ATR: variants seen among roughly 807,000 people sequenced by gnomAD.
ATR encodes the protein ATR checkpoint kinase.
In ATR, 142 loss-of-function variants were observed where a neutral mutation model predicts 305.3. The observed-to-expected ratio is 0.47, with a 90% CI of 0.41 to 0.53. The LOEUF (loss-of-function observed/expected upper bound fraction) is 0.53. ATR is among the 20% of genes least tolerant of loss of function. ATR has a pLI of 0.00. For synonymous variants in ATR, 1,050 were observed against 1,068.1 expected (o/e 0.98, Z 0.33); for missense variants, 2,135 against 3,133.1 (o/e 0.68, Z 7.60).
chr3:142,481,322 G>C (rs1021700968), intron 36 of ATR, among the ~76,000 whole-genome samples: 2 of 152,164 alleles, frequency 1.3e-5, no homozygotes, highest in African/African-American at 4.8e-5. Flanking sequence ...TATGGTTTTT[G>C]TCCTTCATTC....
chr3:142,461,901 G>A, intron 42 of ATR, 39 bp downstream of exon 42: 2 of 1,586,266 alleles, frequency 1.3e-6, no homozygotes, highest in East Asian at 2.2e-5. Context: ...ATATAACTTA[G>A]TACCCACACT....
Position 142,496,534 on chromosome 3 carries a change from C to A in ATR, c.5739-14G>T, listed in dbSNP as rs587783335. On this transcript the variant is annotated splice_polypyrimidine_tract_variant and intron_variant, in intron 33 of 46. Transcript: ENST00000350721. ...TTGTAATCTGGTCTAAAGGAAGTAACAACACATTGGTGAGAGAGACCATTG... is the reference window on the plus strand; with the variant it reads ...TTGTAATCTGGTCTAAAGGAAGTAAAAACACATTGGTGAGAGAGACCATTG... 1 of 1,547,780 alleles carries A rather than the reference C, an allele frequency of 6.5e-7. No homozygotes were observed. The highest frequency in any genetic ancestry group is 8.8e-7 in the Non-Finnish European group (1 of 1,130,890).
At chr3:142,506,272 T>C (rs1239550798) in intron 28 of ATR, among the ~76,000 whole-genome samples, 1 of 152,186 alleles carries the variant, frequency 6.6e-6, no homozygotes, top group Non-Finnish European at 1.5e-5. Context: ...ATATGCTCCA[T>C]ATACTCTGGT....
rs980781050 is a variant in ATR, at chr3:142,449,244, A to C, written c.*185T>G. 2 of 592,248 alleles carry C rather than the reference A, an allele frequency of 3.4e-6. No homozygotes were observed. Among genetic ancestry groups the C allele is most frequent in the African/African-American group, 3.7e-5 (2 of 53,908 alleles). The allele number at this position is 592,248 out of a possible 1,614,324, so 36.7% of individuals were successfully genotyped here. On this transcript the variant is annotated 3_prime_UTR_variant, in exon 47 of 47. Transcript: ENST00000350721. Reference sequence around the variant, plus strand: ...ATTATAATGCACAGTATGTATTAAGAAAGCAGTTTATTTCTTAATAACTGA... The same window carrying C: ...ATTATAATGCACAGTATGTATTAAGCAAGCAGTTTATTTCTTAATAACTGA...
At chr3:142,557,581 A>G (rs1033402249) in intron 8 of ATR, among the ~76,000 whole-genome samples, 3 of 152,220 alleles carry the variant, frequency 2.0e-5, no homozygotes, top group Non-Finnish European at 4.4e-5. Flanking sequence ...AGAACAATCA[A>G]CACCAAATTC....
chr3:142,498,911 C>G, intron 31 of ATR, 137 bp from the exon 32 acceptor site: 1 of 835,362 alleles, frequency 1.2e-6, no homozygotes, highest in Non-Finnish European at 1.9e-6. Context: ...GACAGAGTCT[C>G]ACTCTGTGGT....
At chr3:142,561,690 TA>T (rs902268171) in intron 4 of ATR, among the ~76,000 whole-genome samples, 2 of 152,162 alleles carry the variant, frequency 1.3e-5, no homozygotes, top group African/African-American at 4.8e-5. Context: ...AATTCCCTTA[TA>T]AAAAATTCTG....
At chr3:142,560,553 T>G in intron 5 of ATR, 99 bp from the exon 6 acceptor site, 1 of 1,225,884 alleles carries the variant, frequency 8.2e-7, no homozygotes, top group Non-Finnish European at 1.1e-6. Context: ...TAATATCAAC[T>G]ATTCAAAAAA....
At chr3:142,455,616 C>T (rs1275555526) in intron 45 of ATR, among the ~76,000 whole-genome samples, 3 of 152,042 alleles carry the variant, frequency 2.0e-5, no homozygotes, top group African/African-American at 7.2e-5. Context: ...AACAAAAAAG[C>T]CAAGATAATT....
intron 39 of ATR, among the ~76,000 whole-genome samples, chr3:142,467,645 T>C (rs888233011): frequency 5.9e-5 from 9 of 152,164 alleles, no homozygotes; most frequent in Non-Finnish European, 1.0e-4. Context: ...TTATTTCATA[T>C]TCTCTACTAA....
chr3:142,522,653 C>T (rs2108395037), intron 23 of ATR, 75 bp downstream of exon 23: 6 of 1,251,960 alleles, frequency 4.8e-6, no homozygotes, highest in Non-Finnish European at 7.0e-6. Context: ...AAAGGAGTTT[C>T]ACAAGTATAG....
rs150286172 is a variant in ATR, at chr3:142,459,050, G to A, written c.7411C>T (p.Leu2471=). ...TCACCATGACGGTCTCCAAGCCCCA[G>A]AATATAACCAACCATTGACATTACT... is the stretch of plus-strand genomic sequence containing the variant. ...TAVMSMVGYI[L]GLGDRHGENI... Residue 2471 remains leucine, a synonymous_variant, in exon 44 of 47, where the codon CTG becomes TTG. Coordinates refer to ENST00000350721, the MANE Select transcript of ATR (RefSeq NM_001184.4). 8.4e-5 allele frequency: 135 copies of A among 1,613,968 alleles called. No individual in the cohort carries two copies. In the African/African-American group the frequency reaches 1.5e-3, roughly 18 times the overall value.
chr3:142,451,775 G>T lies in ATR; in HGVS notation c.7761+1353C>A. 2.5e-6 allele frequency: 3 copies of T among 1,196,668 alleles called. No individual in the cohort carries two copies. In the South Asian group the frequency reaches 5.1e-5, roughly 21 times the overall value. The allele number at this position is 1,196,668 out of a possible 1,614,324, so 74.1% of individuals were successfully genotyped here. Reference sequence around the variant, plus strand: ...AAAAAAAACAAAAACTATTTGTAGAGACCAGGGCTGGCTTTGTCCAGTTAG... The same window carrying T: ...AAAAAAAACAAAAACTATTTGTAGATACCAGGGCTGGCTTTGTCCAGTTAG... On this transcript the variant is annotated intron_variant, in intron 46 of 46. Coordinates refer to ENST00000350721, the MANE Select transcript of ATR (RefSeq NM_001184.4).
At chr3:142,561,450 A>C in intron 4 of ATR, 29 bp from the exon 5 acceptor site, 1 of 1,574,044 alleles carries the variant, frequency 6.4e-7, no homozygotes, top group Non-Finnish European at 8.7e-7. Context: ...ATTTCCAGAA[A>C]TATTCCTTAG....
intron 15 of ATR, among the ~76,000 whole-genome samples, chr3:142,549,131 C>T (rs1461776993): frequency 1.3e-5 from 2 of 152,124 alleles, no homozygotes; most frequent in Non-Finnish European, 2.9e-5. Context: ...AGACATTATA[C>T]TACATTTGAA....
Position 142,555,907 on chromosome 3 carries a change from T to G in ATR, c.2311A>C (p.Lys771Gln), listed in dbSNP as rs1232704868. The G allele has an allele frequency of 6.2e-7, 1 of 1,609,924 alleles. No individual in the cohort carries two copies. The highest frequency in any genetic ancestry group is 1.3e-5 in the African/African-American group (1 of 74,540). Residue 771 changes from lysine (K) to glutamine (Q), a missense_variant, in exon 10 of 47, where the codon AAA becomes CAA. Around this residue, in one of 9 missense-constraint regions of ATR, gnomAD observed 530 missense variants for 766.8 expected, o/e 0.69. Coordinates refer to ENST00000350721, the MANE Select transcript of ATR (RefSeq NM_001184.4). The part of the protein sequence containing the change: ...SVCKPFLFLL[K>Q]KKIPSPVKLA... ...TTTACTGGACTAGGTATTTTTTTTT[T>G]CAGTAGGAAAAGGAATGGCTTGCAG...
At chr3:142,577,684 T>G (rs571685490) in intron 1 of ATR, among the ~76,000 whole-genome samples, 1 of 152,212 alleles carries the variant, frequency 6.6e-6, no homozygotes, top group Non-Finnish European at 1.5e-5. Context: ...CAGCTTTGAC[T>G]TTGTGTGGAA....
chr3:142,492,395 A>T (rs1003931546), intron 35 of ATR, among the ~76,000 whole-genome samples: 77 of 152,300 alleles, frequency 5.1e-4, no homozygotes, highest in African/African-American at 1.7e-3. Context: ...GCCTCATAGA[A>T]TTCTGAATTA....
At chr3:142,471,634 T>C (rs1193638666) in intron 36 of ATR, among the ~76,000 whole-genome samples, 2 of 152,160 alleles carry the variant, frequency 1.3e-5, no homozygotes, top group African/African-American at 4.8e-5. Context: ...AATCAACAAA[T>C]AAAAATTGTG....
Sources: gnomAD v4.1 joint callset for allele counts (sites outside exome capture counted in the v4.1 genomes callset) on GRCh38, gnomAD v4.1.1 for gene constraint, gnomAD v4.1.1 regional missense constraint, MANE v1.5 for transcripts, NCBI Gene and HGNC (gene_info 2026-07-23, HGNC 2026-07-21) for gene names.